Variants in ZEB1 observed in about 807,000 individuals in gnomAD.
ZEB1 encodes the protein zinc finger E-box binding homeobox 1.
A neutral mutation model predicts 84.9 loss-of-function variants in ZEB1; 21 were observed. That is an observed-to-expected ratio of 0.25 (90% CI 0.18 to 0.36). ZEB1 has a LOEUF of 0.36. Ranked by LOEUF, ZEB1 falls within the 10% of genes least tolerant of loss-of-function variation. ZEB1 has a pLI of 1.00. For missense variants in ZEB1, 1,104 were observed against 1,330.2 expected (o/e 0.83, Z 2.65); for synonymous variants, 420 against 471.1 (o/e 0.89, Z 1.41).
At chr10:31,407,083 CTTAT>C (rs564159333) in intron 1 of ZEB1, among the ~76,000 whole-genome samples, 127 of 151,338 alleles carry the variant, frequency 8.4e-4, no homozygotes, top group East Asian at 1.2e-3. Context: ...TTTTTAACTT[CTTAT>C]TTATTTATTT....
At chr10:31,346,162 A>G (rs934514198) in intron 1 of ZEB1, among the ~76,000 whole-genome samples, 46 of 152,164 alleles carry the variant, frequency 3.0e-4, no homozygotes, top group African/African-American at 1.1e-3. Context: ...TTAATTTACA[A>G]TTTGTTCACT....
chr10:31,489,388 A>T (rs1269855980), intron 2 of ZEB1, among the ~76,000 whole-genome samples: 1 of 151,402 alleles, frequency 6.6e-6, no homozygotes, highest in African/African-American at 2.4e-5. Context: ...TAGATAGGAT[A>T]TTAATGGGGA....
chr10:31,469,078 A>G (rs1013262044), intron 2 of ZEB1, among the ~76,000 whole-genome samples: 1 of 152,230 alleles, frequency 6.6e-6, no homozygotes, highest in Non-Finnish European at 1.5e-5. Context: ...TTAAAAAACA[A>G]ATGGAATATC....
intron 2 of ZEB1, among the ~76,000 whole-genome samples, chr10:31,490,185 A>G (rs1417735776): frequency 3.3e-5 from 5 of 151,370 alleles, no homozygotes; most frequent in African/African-American, 9.7e-5. Flanking sequence ...TTGGGGGGTT[A>G]GGAGGTTACT....
In ZEB1 at chr10:31,520,005, C is replaced by A; in HGVS notation, c.794-121C>A. The A allele has an allele frequency of 2.3e-6, 3 of 1,298,228 alleles. No individual in the cohort carries two copies. The highest frequency in any genetic ancestry group is 2.1e-6 in the Non-Finnish European group (2 of 943,668). The allele number at this position is 1,298,228 out of a possible 1,614,324, so 80.4% of individuals were successfully genotyped here. A position where few individuals can be genotyped will look rare whatever the true frequency, so the allele number is the denominator to read the frequency against. ...AAGTTTATTCTAAATACAGTTCTGT[C>A]ACAAGCATGCATGGCAGTCTTCTTT... On this transcript the variant is annotated intron_variant, in intron 6 of 8. Coordinates refer to ENST00000424869, the MANE Select transcript of ZEB1 (RefSeq NM_001174096.2). This position sits in a 1 kb window ranked among gnomAD's most constrained non-coding sequence, Gnocchi z 5.1.
chr10:31,377,514 A>G (rs1272671988), intron 1 of ZEB1, among the ~76,000 whole-genome samples: 1 of 151,802 alleles, frequency 6.6e-6, no homozygotes, highest in Non-Finnish European at 1.5e-5. Context: ...AATGAGAGGA[A>G]TTCATTAAGG....
At chr10:31,452,742 T>TGTGTGAGAGAGAGAGAGAGAGAGAGA (rs1387786622) in intron 1 of ZEB1, among the ~76,000 whole-genome samples, 3 of 90,734 alleles carry the variant, frequency 3.3e-5, no homozygotes, top group African/African-American at 1.5e-4. Flanking sequence ...TGTGTGTGTG[T>TGTGTGAGAGAGAGAGAGAGAGAGAGA]GAGAGAGAGA....
chr10:31,348,721 C>A (rs73260030), intron 1 of ZEB1, among the ~76,000 whole-genome samples: 28 of 151,838 alleles, frequency 1.8e-4, no homozygotes, highest in African/African-American at 6.5e-4. Context: ...GTTCTGTGTC[C>A]GTTTTAGGTT....
intron 1 of ZEB1, chr10:31,358,183 T>C (rs1205771371): frequency 6.6e-6 from 1 of 152,186 alleles, no homozygotes; most frequent in African/African-American, 2.4e-5. Flanking sequence ...CATTGACCAC[T>C]GGGAGAGATG....
intron 1 of ZEB1, among the ~76,000 whole-genome samples, chr10:31,391,231 T>TTTGTG (rs1554835630): frequency 2.2e-5 from 3 of 134,690 alleles, no homozygotes; most frequent in African/African-American, 8.6e-5. Context: ...ACAGGTAAGT[T>TTTGTG]TGTGTGTGTG....
chr10:31,444,621 T>C (rs1412909089), intron 1 of ZEB1, among the ~76,000 whole-genome samples: 3 of 151,978 alleles, frequency 2.0e-5, no homozygotes, highest in Admixed American at 6.5e-5. Context: ...CAGTTTCAGC[T>C]TTCTACATAT....
At chr10:31,332,566 A>G (rs2037024115) in intron 1 of ZEB1, among the ~76,000 whole-genome samples, 1 of 152,248 alleles carries the variant, frequency 6.6e-6, no homozygotes, top group Admixed American at 6.5e-5. Flanking sequence ...TTTAATAAAT[A>G]AAATAAAACT....
chr10:31,412,001 T>G (rs2054384374), intron 1 of ZEB1, among the ~76,000 whole-genome samples: 1 of 152,200 alleles, frequency 6.6e-6, no homozygotes, highest in Admixed American at 6.5e-5. Context: ...GAATTCATTA[T>G]GTTTAAACCA....
intron 2 of ZEB1, among the ~76,000 whole-genome samples, chr10:31,462,829 C>T (rs1052225656): frequency 6.6e-6 from 1 of 151,952 alleles, no homozygotes; most frequent in African/African-American, 2.4e-5. Context: ...GTGTCTTCAA[C>T]GAGACGGCTG....
chr10:31,513,126 A>G (rs569594649), intron 5 of ZEB1, among the ~76,000 whole-genome samples: 157 of 152,320 alleles, frequency 1.0e-3, no homozygotes, highest in African/African-American at 3.5e-3. Context: ...AAGAGAGACA[A>G]GAACGGAAGC....
intron 1 of ZEB1, among the ~76,000 whole-genome samples, chr10:31,453,680 A>C (rs901989734): frequency 1.3e-5 from 2 of 152,194 alleles, no homozygotes; most frequent in Non-Finnish European, 2.9e-5. Context: ...ATTCCTGGAC[A>C]CATACACCCT....
chr10:31,368,105 T>C (rs973305781), intron 1 of ZEB1, among the ~76,000 whole-genome samples: 1 of 152,110 alleles, frequency 6.6e-6, no homozygotes, highest in African/African-American at 2.4e-5. Flanking sequence ...ATCCAAATAC[T>C]GTCCCACAGT....
At chr10:31,396,113 A>G (rs1465908290) in intron 1 of ZEB1, among the ~76,000 whole-genome samples, 2 of 152,200 alleles carry the variant, frequency 1.3e-5, no homozygotes, top group African/African-American at 4.8e-5. Flanking sequence ...GTATACAGTA[A>G]GTTGTTTTTT....
chr10:31,516,258 C>T (rs2071075720), intron 6 of ZEB1, among the ~76,000 whole-genome samples: 2 of 151,968 alleles, frequency 1.3e-5, no homozygotes, highest in African/African-American at 4.8e-5. Flanking sequence ...GAACACAAAG[C>T]TCCCACTGTA....
Sources: allele counts gnomAD v4.1 joint callset (sites outside exome capture counted in the v4.1 genomes callset), GRCh38; gene constraint gnomAD v4.1.1; non-coding constraint Gnocchi (gnomAD v3.1); transcripts MANE v1.5; gene names NCBI Gene and HGNC (gene_info 2026-07-23, HGNC 2026-07-21).